Variants in MRPS28 observed in about 807,000 individuals in gnomAD.
MRPS28 encodes mitochondrial ribosomal protein S28.
In MRPS28, 7 loss-of-function variants were observed where a neutral mutation model predicts 10.8. That is an observed-to-expected ratio of 0.65 (90% CI 0.37 to 1.22). MRPS28 has a LOEUF of 1.22. Among genes scored for constraint, MRPS28 ranks in the 50% most tolerant of loss-of-function variants. The pLI is 0.02. For missense variants in MRPS28, 265 were observed against 232.9 expected, an observed-to-expected ratio of 1.14 and a Z score of -0.90; for synonymous variants, 121 against 93.3, an observed-to-expected ratio of 1.30 and a Z score of -1.71.
intron 2 of MRPS28, among the ~76,000 whole-genome samples, chr8:79,953,383 C>T (rs1362053808): frequency 6.6e-6 from 1 of 152,122 alleles, no homozygotes; most frequent in African/African-American, 2.4e-5. Context: ...GGTTCAAAGA[C>T]ATGGTACAGA....
intron 2 of MRPS28, among the ~76,000 whole-genome samples, chr8:79,956,064 A>G (rs539417756): frequency 2.6e-5 from 4 of 152,072 alleles, no homozygotes; most frequent in Non-Finnish European, 5.9e-5. Flanking sequence ...GAAAGGCTGG[A>G]CTGAATTTTT....
chr8:79,985,501 A>G (rs1481072531), intron 2 of MRPS28, among the ~76,000 whole-genome samples: 1 of 152,180 alleles, frequency 6.6e-6, no homozygotes, highest in Non-Finnish European at 1.5e-5. Context: ...GTTTTTTGAA[A>G]GGATCAACAA....
chr8:79,937,091 C>T (rs1401877352), intron 2 of MRPS28, among the ~76,000 whole-genome samples: 1 of 152,146 alleles, frequency 6.6e-6, no homozygotes, highest in African/African-American at 2.4e-5. Context: ...AAACTCCTGA[C>T]CTCAAGTGGT....
chr8:79,953,867 A>T (rs1040320901), intron 2 of MRPS28, among the ~76,000 whole-genome samples: 1 of 152,210 alleles, frequency 6.6e-6, no homozygotes, highest in East Asian at 1.9e-4. Context: ...CCTACAGAAA[A>T]ATGGGCAATT....
rs374326365 is a variant in MRPS28, at chr8:79,920,023, A to G, written c.396-875T>C. Among the ~76,000 whole-genome samples the G allele has an allele frequency of 6.0e-4, 82 of 137,318 alleles. No individual in the cohort carries two copies. The South Asian group carries it at 8.8e-3, about 15-fold the overall frequency. The allele number at this position is 137,318 out of a possible 152,430, so 90.1% of individuals were successfully genotyped here. A position where few individuals can be genotyped will look rare whatever the true frequency, so the allele number is the denominator to read the frequency against. ...TTCTCATTGTTCAGTTCCCACCTAT[A>G]AGTGAGAACATGCGGTGTTTGGTTT... On this transcript the variant is annotated intron_variant, in intron 2 of 2. Coordinates refer to ENST00000276585, the MANE Select transcript of MRPS28 (RefSeq NM_014018.3).
intron 1 of MRPS28, among the ~76,000 whole-genome samples, chr8:80,004,829 C>T (rs879474254): frequency 4.9e-4 from 74 of 152,314 alleles, no homozygotes; most frequent in Non-Finnish European, 8.1e-4. Flanking sequence ...ACAAGAACTA[C>T]GTGACGAATG....
chr8:80,005,812 A>G (rs1330940804), intron 1 of MRPS28, among the ~76,000 whole-genome samples: 1 of 152,040 alleles, frequency 6.6e-6, no homozygotes, highest in Non-Finnish European at 1.5e-5. Context: ...AATGGAAAAC[A>G]AAAAAAGGCA....
intron 2 of MRPS28, among the ~76,000 whole-genome samples, chr8:79,924,385 G>A (rs1563517478): frequency 6.6e-6 from 1 of 152,072 alleles, no homozygotes; most frequent in Non-Finnish European, 1.5e-5. Context: ...TCATACAAAT[G>A]CTCACAGTCA....
chr8:80,002,393 T>C (rs1047558812), intron 2 of MRPS28, among the ~76,000 whole-genome samples: 6 of 152,166 alleles, frequency 3.9e-5, no homozygotes, highest in African/African-American at 9.7e-5. Flanking sequence ...ACATTAGAAA[T>C]TGATGGGGAA....
intron 2 of MRPS28, among the ~76,000 whole-genome samples, chr8:79,964,411 T>C (rs1249616741): frequency 1.3e-5 from 2 of 152,104 alleles, no homozygotes; most frequent in Admixed American, 1.3e-4. Flanking sequence ...TGGCTTAAAA[T>C]GGTTTGCTTG....
At chr8:80,019,088 T>C (rs1049963451) in intron 1 of MRPS28, among the ~76,000 whole-genome samples, 1 of 151,986 alleles carries the variant, frequency 6.6e-6, no homozygotes, top group African/African-American at 2.4e-5. Context: ...GGATGGTTAA[T>C]GGGTACAAAG....
intron 1 of MRPS28, among the ~76,000 whole-genome samples, chr8:80,016,037 C>T (rs936330682): frequency 6.6e-6 from 1 of 151,646 alleles, no homozygotes; most frequent in Non-Finnish European, 1.5e-5. Context: ...ACAGAATATT[C>T]AAGAACTTTG....
At chr8:80,005,842 C>T (rs7013890) in intron 1 of MRPS28, among the ~76,000 whole-genome samples, 3 of 151,962 alleles carry the variant, frequency 2.0e-5, no homozygotes, top group Non-Finnish European at 4.4e-5. Flanking sequence ...ATCCTAGTCT[C>T]TGATAAAACA....
At chr8:79,997,314 C>T (rs1214096950) in intron 2 of MRPS28, among the ~76,000 whole-genome samples, 6 of 152,242 alleles carry the variant, frequency 3.9e-5, no homozygotes, top group Non-Finnish European at 8.8e-5. Flanking sequence ...AAAATATTAA[C>T]TTAAAGCAGA....
chr8:79,974,996 T>C (rs770770868), intron 2 of MRPS28, among the ~76,000 whole-genome samples: 2 of 152,080 alleles, frequency 1.3e-5, no homozygotes, highest in Admixed American at 1.3e-4. Flanking sequence ...TAATTTCAAA[T>C]AAATAAGGCT....
intron 2 of MRPS28, among the ~76,000 whole-genome samples, chr8:79,926,333 G>A (rs1021876736): frequency 6.6e-6 from 1 of 151,504 alleles, no homozygotes; most frequent in African/African-American, 2.4e-5. Context: ...AGTTTTTTCA[G>A]TGTAGCACAG....
chr8:79,933,576 T>G (rs1194498082), intron 2 of MRPS28, among the ~76,000 whole-genome samples: 1 of 152,190 alleles, frequency 6.6e-6, no homozygotes, highest in African/African-American at 2.4e-5. Context: ...TAGTCACACA[T>G]TATGTGCCAA....
At chr8:79,925,376 T>C (rs1810205765) in intron 2 of MRPS28, among the ~76,000 whole-genome samples, 1 of 152,212 alleles carries the variant, frequency 6.6e-6, no homozygotes, top group Non-Finnish European at 1.5e-5. Flanking sequence ...AGACTGTTCA[T>C]ATACCAAAAC....
At chr8:79,938,901 T>C (rs938143195) in intron 2 of MRPS28, among the ~76,000 whole-genome samples, 2 of 152,188 alleles carry the variant, frequency 1.3e-5, no homozygotes, top group African/African-American at 4.8e-5. Context: ...CATTTACAAA[T>C]ATTTATTAAG....
Sources: gnomAD v4.1 joint callset for allele counts (sites outside exome capture counted in the v4.1 genomes callset) on GRCh38, gnomAD v4.1.1 for gene constraint, MANE v1.5 for transcripts, NCBI Gene and HGNC (gene_info 2026-07-23, HGNC 2026-07-21) for gene names.